Variants in ARHGAP21 observed in about 807,000 individuals in gnomAD.
The protein encoded by ARHGAP21 is rho GTPase-activating protein 21.
In ARHGAP21, 38 loss-of-function variants were observed where a neutral mutation model predicts 164.6. The observed-to-expected ratio is 0.23, with a 90% CI of 0.18 to 0.30. ARHGAP21 has a LOEUF of 0.30. Among genes scored for constraint, ARHGAP21 ranks in the 10% least tolerant of loss-of-function variants. The pLI, the probability that ARHGAP21 is intolerant of heterozygous loss-of-function variation, is 1.00. For missense variants in ARHGAP21, 1,822 were observed against 2,370.7 expected, an observed-to-expected ratio of 0.77 and a Z score of 4.81; for synonymous variants, 766 against 857.9, an observed-to-expected ratio of 0.89 and a Z score of 1.87.
chr10:24,619,766 C>T lies in ARHGAP21; in HGVS notation c.2129G>A (p.Ser710Asn), dbSNP rs1565029318. The change falls in exon 9 of 26, where the codon AGT (serine) becomes AAT (asparagine). Residue 710 changes from serine to asparagine, a missense_variant. Physicochemically the swap from Ser to Asn is conservative, Grantham distance 46. This residue lies in a region of ARHGAP21 where 1,090 missense variants were observed against 1,378.9 expected (regional missense o/e 0.79). Coordinates refer to ENST00000396432, the MANE Select transcript of ARHGAP21 (RefSeq NM_020824.4). ...AGTSDLELPV[S>N]QRNQDLSLQE... ...TAAACTTAAATCTTGATTCCTTTGA[C>T]TGACAGGTAGTTCTAAATCTGAAGT... The T allele has an allele frequency of 8.1e-6, 13 of 1,614,008 alleles. No individual in the cohort carries two copies. The highest frequency in any genetic ancestry group is 1.1e-5 in the Non-Finnish European group (13 of 1,180,044).
chr10:24,618,120 A>T (rs569492830), intron 9 of ARHGAP21, among the ~76,000 whole-genome samples: 5 of 152,296 alleles, frequency 3.3e-5, no homozygotes, highest in Admixed American at 3.3e-4. Context: ...TATAAAATGA[A>T]GATAATATTA....
intron 4 of ARHGAP21, among the ~76,000 whole-genome samples, chr10:24,659,523 C>T (rs188496562): frequency 2.0e-5 from 3 of 152,156 alleles, no homozygotes; most frequent in Non-Finnish European, 4.4e-5. Context: ...CCATGTTGGT[C>T]AGGCTGGTCT....
At position 24,607,346 on chromosome 10, in the gene ARHGAP21, A is replaced by G. The variant is rs1158107405; in HGVS notation, c.2684+153T>C. On this transcript the variant is annotated intron_variant, in intron 11 of 25. Transcript: ENST00000396432. ...GTGTGTTACTGATTTTTAAAATTCA[A>G]TTTAATGTTACCATTAACAACTTTA... 4 of 670,872 alleles carry G rather than the reference A, an allele frequency of 6.0e-6. No individual in the cohort carries two copies. The African/African-American group carries it at 7.3e-5, about 12-fold the overall frequency. 41.6% of individuals were successfully genotyped at this position (670,872 alleles called of 1,614,324 possible). A position where few individuals can be genotyped will look rare whatever the true frequency, so the allele number is the denominator to read the frequency against.
At chr10:24,619,425 A>G in intron 9 of ARHGAP21, 48 bp downstream of exon 9, 1 of 1,524,300 alleles carries the variant, frequency 6.6e-7, no homozygotes, top group Non-Finnish European at 8.9e-7. Context: ...TTCTGGAAAG[A>G]TTTCTTATAC....
rs112917442 is a variant in ARHGAP21 at position 24,702,223 on chromosome 10, C to T, written c.63+19614G>A. 6.1e-3 allele frequency among the ~76,000 whole-genome samples: 907 copies of T among 148,798 alleles called. 12 individuals carry two copies. The highest frequency in any genetic ancestry group is 0.02 in the African/African-American group (812 of 40,328). On this transcript the variant is annotated intron_variant, in intron 2 of 25. Transcript: ENST00000396432. ...TCGGCTCACTGCAAGTTCCATTTCC[C>T]GGGTTCACGCCATTCTCCTGCCTCA...
chr10:24,693,531 T>C (rs1282335317), intron 2 of ARHGAP21, among the ~76,000 whole-genome samples: 1 of 152,130 alleles, frequency 6.6e-6, no homozygotes, highest in East Asian at 1.9e-4. Context: ...TTTTGTATTT[T>C]TAGTAGAGAT....
chr10:24,698,521 G>A (rs573846725), intron 2 of ARHGAP21, among the ~76,000 whole-genome samples: 2 of 152,124 alleles, frequency 1.3e-5, no homozygotes, highest in Admixed American at 1.3e-4. Context: ...AGATGGGTCG[G>A]CCATCCATTC....
Position 24,584,336 on chromosome 10 carries a change from A to G in ARHGAP21, c.*76T>C. The G allele has an allele frequency of 2.0e-6, 3 of 1,477,388 alleles. No individual in the cohort carries two copies. Among genetic ancestry groups the G allele is most frequent in the Non-Finnish European group, 2.7e-6 (3 of 1,099,884 alleles). 91.5% of individuals were successfully genotyped at this position (1,477,388 alleles called of 1,614,324 possible). ...AAGGCTGCATAATAACAATTCTGAT[A>G]CAAGAAAATATTGACAGAGTTACTG... On this transcript the variant is annotated 3_prime_UTR_variant, in exon 26 of 26. Coordinates refer to ENST00000396432, the MANE Select transcript of ARHGAP21 (RefSeq NM_020824.4).
chr10:24,699,841 A>G (rs961751424), intron 2 of ARHGAP21, among the ~76,000 whole-genome samples: 1 of 152,160 alleles, frequency 6.6e-6, no homozygotes, highest in Non-Finnish European at 1.5e-5. Flanking sequence ...GCATCTCTGT[A>G]GAGTTGGTTA....
chr10:24,592,101 A>G, intron 21 of ARHGAP21, 89 bp from the exon 22 acceptor site: 1 of 1,245,234 alleles, frequency 8.0e-7, no homozygotes, highest in Non-Finnish European at 1.1e-6. Context: ...GATGAAAAAG[A>G]ATAAACAGAA....
At chr10:24,673,655 A>G (rs1466852141) in intron 2 of ARHGAP21, among the ~76,000 whole-genome samples, 1 of 152,002 alleles carries the variant, frequency 6.6e-6, no homozygotes, top group Non-Finnish European at 1.5e-5. Flanking sequence ...TGAGGCCAGG[A>G]GTTCGAGACC....
chr10:24,585,709 C>T lies in ARHGAP21; in HGVS notation c.4580G>A (p.Ser1527Asn). 9 of 1,614,110 alleles carry T rather than the reference C, an allele frequency of 5.6e-6. No homozygotes were observed. The highest frequency in any genetic ancestry group is 7.6e-6 in the Non-Finnish European group (9 of 1,180,010). The part of the protein sequence containing the change: ...LSCRFAILKE[S>N]PRSLLAQKSS... ...CTTCTGTGCCAGAAGTGACCTGGGG[C>T]TCTCTTTCAGGATGGCAAAGCGACA... Residue 1527 changes from serine (S) to asparagine (N), a missense_variant, in exon 26 of 26, where the codon AGC becomes AAC. Transcript: ENST00000396432.
intron 4 of ARHGAP21, among the ~76,000 whole-genome samples, chr10:24,655,308 G>T (rs1227150217): frequency 6.6e-6 from 1 of 152,168 alleles, no homozygotes; most frequent in Non-Finnish European, 1.5e-5. Flanking sequence ...CACATCAAAA[G>T]AAACTACCAT....
intron 2 of ARHGAP21, among the ~76,000 whole-genome samples, chr10:24,673,140 T>C (rs144111018): frequency 6.6e-6 from 1 of 152,344 alleles, no homozygotes; most frequent in Non-Finnish European, 1.5e-5. Flanking sequence ...TATAAATCCA[T>C]TGCAATCCCA....
chr10:24,718,230 A>T (rs1845586834), intron 2 of ARHGAP21, among the ~76,000 whole-genome samples: 1 of 152,218 alleles, frequency 6.6e-6, no homozygotes, highest in South Asian at 2.1e-4. Context: ...AGTGCTACTC[A>T]GCGAAAGAAG....
Position 24,607,768 on chromosome 10 carries a change from C to A in ARHGAP21, c.2558G>T (p.Arg853Leu). The change falls in exon 10 of 26, where the codon CGC (arginine) becomes CTC (leucine). Residue 853 changes from arginine (R) to leucine (L), a missense_variant. Coordinates refer to ENST00000396432, the MANE Select transcript of ARHGAP21 (RefSeq NM_020824.4). ...PCLTTSAPLI[R>L]RQLSHDHESV... ...ACCGTGGTCATGTGAGAGCTGACGG[C>A]GAATTAATGGAGCTGAAGTTGTGAG... The A allele has an allele frequency of 6.2e-7, 1 of 1,613,710 alleles. No individual in the cohort carries two copies.
At chr10:24,686,419 C>A (rs951400715) in intron 2 of ARHGAP21, among the ~76,000 whole-genome samples, 2 of 151,844 alleles carry the variant, frequency 1.3e-5, no homozygotes, top group Admixed American at 6.6e-5. Flanking sequence ...CAGAGTGAGA[C>A]CCTATCTCAA....
chr10:24,659,051 A>T (rs1297005732), intron 4 of ARHGAP21, among the ~76,000 whole-genome samples: 1 of 152,210 alleles, frequency 6.6e-6, no homozygotes, highest in Non-Finnish European at 1.5e-5. Context: ...GTTGGAGAGG[A>T]TGTACAGAAA....
At chr10:24,617,164 ATG>A (rs994048638) in intron 9 of ARHGAP21, among the ~76,000 whole-genome samples, 1 of 152,160 alleles carries the variant, frequency 6.6e-6, no homozygotes, top group African/African-American at 2.4e-5. Context: ...ATCAATCTAT[ATG>A]TATATAGAAT....
Sources: allele counts gnomAD v4.1 joint callset (sites outside exome capture counted in the v4.1 genomes callset), GRCh38; gene constraint gnomAD v4.1.1; regional missense constraint gnomAD v4.1.1; transcripts MANE v1.5; gene names NCBI Gene and HGNC (gene_info 2026-07-23, HGNC 2026-07-21).